The following CNN1 variants were observed in gnomAD, a reference collection of about 807,000 sequenced individuals.
CNN1 encodes calponin 1, also known as calponin-1.
A neutral mutation model predicts 35.3 loss-of-function variants in CNN1; 21 were observed. The ratio of observed to expected loss-of-function variants is 0.60; its 90% CI spans 0.42 to 0.86. The LOEUF (loss-of-function observed/expected upper bound fraction) is 0.86, where lower values mean the gene tolerates loss of function less well. CNN1 is among the 40% of genes least tolerant of loss of function. The probability of loss-of-function intolerance (pLI) is 0.00; values close to 1 mark genes in which losing one functional copy is unlikely to be tolerated. For synonymous variants in CNN1, 164 were observed against 161.8 expected (o/e 1.01, Z -0.10); for missense variants, 314 against 400.8 (o/e 0.78, Z 1.85).
intron 1 of CNN1, chr19:11,539,894 G>A (rs1360818650): frequency 5.6e-5 from 64 of 1,139,570 alleles, no homozygotes; most frequent in Non-Finnish European, 6.9e-5. Flanking sequence ...CCCCAGAGCC[G>A]CGCAGAGCCG....
chr19:11,546,618 GC>G, intron 2 of CNN1, 56 bp from the exon 3 acceptor site: 1 of 1,596,592 alleles, frequency 6.3e-7, no homozygotes, highest in South Asian at 1.1e-5. Flanking sequence ...ACAGGCGTGA[GC>G]CACCGTGCCC....
intron 1 of CNN1, chr19:11,539,768 G>C: frequency 8.8e-7 from 1 of 1,141,668 alleles, no homozygotes; most frequent in Non-Finnish European, 1.2e-6. Context: ...AGGAAGTGGG[G>C]GACTGGGTTG....
intron 4 of CNN1, among the ~76,000 whole-genome samples, 160 bp from the exon 5 acceptor site, chr19:11,547,637 C>T (rs1972619286): frequency 6.6e-6 from 1 of 152,084 alleles, no homozygotes; most frequent in Admixed American, 6.6e-5. Context: ...GGTGTGAAGC[C>T]GGGAGGCGGA....
chr19:11,549,900 G>T lies in CNN1; in HGVS notation c.*105G>T. 2 of 1,472,976 alleles carry T rather than the reference G, an allele frequency of 1.4e-6. No individual in the cohort carries two copies. The highest frequency in any genetic ancestry group is 1.8e-6 in the Non-Finnish European group (2 of 1,091,158). 91.2% of individuals were successfully genotyped at this position (1,472,976 alleles called of 1,614,324 possible). A position where few individuals can be genotyped will look rare whatever the true frequency, so the allele number is the denominator to read the frequency against. ...CCCTCTCCCTGCATGGCATCCTCCAGCCCCTGTAGAACTCAACCTCTACAG... is the reference window on the plus strand; with the variant it reads ...CCCTCTCCCTGCATGGCATCCTCCATCCCCTGTAGAACTCAACCTCTACAG... On this transcript the variant is annotated 3_prime_UTR_variant, in exon 7 of 7. Coordinates refer to ENST00000252456, the MANE Select transcript of CNN1 (RefSeq NM_001299.6). This position sits in a 1 kb window ranked among gnomAD's most constrained non-coding sequence, Gnocchi z 5.2.
chr19:11,549,959 G>A lies in CNN1; in HGVS notation c.*164G>A. 11 of 1,069,404 alleles carry A rather than the reference G, an allele frequency of 1.0e-5. No homozygotes were observed. The highest frequency in any genetic ancestry group is 1.5e-5 in the Non-Finnish European group (11 of 758,536). 66.2% of individuals were successfully genotyped at this position (1,069,404 alleles called of 1,614,324 possible). ...TTTGGAGAGAGCAGACTGGCGGGGG[G>A]CCCATTGGGGGGAAGGGGACCCTCC... On this transcript the variant is annotated 3_prime_UTR_variant, in exon 7 of 7. Coordinates refer to ENST00000252456, the MANE Select transcript of CNN1 (RefSeq NM_001299.6). This position sits in a 1 kb window ranked among gnomAD's most constrained non-coding sequence, Gnocchi z 5.2.
chr19:11,541,056 C>A lies in CNN1; in HGVS notation c.64-20C>A, dbSNP rs772013584. Reference sequence around the variant, plus strand: ...ATCCTCACCCCTTTCTCTGTGCCCCCTGCCCTCCCCTCGCCCCAGCTGGCC... The same window carrying A: ...ATCCTCACCCCTTTCTCTGTGCCCCATGCCCTCCCCTCGCCCCAGCTGGCC... On this transcript the variant is annotated intron_variant, in intron 1 of 6. Coordinates refer to ENST00000252456, the MANE Select transcript of CNN1 (RefSeq NM_001299.6). 2.5e-6 allele frequency: 4 copies of A among 1,590,432 alleles called. No homozygotes were observed. The highest frequency in any genetic ancestry group is 4.6e-5 in the East Asian group (2 of 43,106).
At chr19:11,546,265 A>G (rs913571545) in intron 2 of CNN1, among the ~76,000 whole-genome samples, 1 of 151,710 alleles carries the variant, frequency 6.6e-6, no homozygotes, top group African/African-American at 2.4e-5. Context: ...AGGGTATGGC[A>G]TGGCCCCTTG....
intron 1 of CNN1, chr19:11,539,720 C>A: frequency 1.2e-6 from 1 of 818,840 alleles, no homozygotes; most frequent in Non-Finnish European, 1.8e-6. Context: ...GAGGGGAACA[C>A]TGAGGCTCAG....
rs571946947 is a variant in CNN1 at position 11,542,635 on chromosome 19, G to A, written c.185+1438G>A. On this transcript the variant is annotated intron_variant, in intron 2 of 6. Coordinates refer to ENST00000252456, the MANE Select transcript of CNN1 (RefSeq NM_001299.6). ...TTGTGACCCAGGCTGGAGTGCAGTG[G>A]CATGATCTTGGCTCACTGCAAGCTC... Among the ~76,000 whole-genome samples the A allele has an allele frequency of 4.3e-4, 65 of 150,288 alleles. 3 individuals are homozygous for A. The East Asian group carries it at 0.013, about 29-fold the overall frequency.
chr19:11,547,037 TGTGCTCCTGAGCCCAGTGAAG>T, intron 4 of CNN1, 68 bp downstream of exon 4: 2 of 1,599,634 alleles, frequency 1.3e-6, no homozygotes, highest in Non-Finnish European at 1.7e-6. Context: ...TGTGGCCACT[TGTGCTCCTGAGCCCAGTGAAG>T]GTGGCGGAGC....
intron 1 of CNN1, chr19:11,540,005 G>A (rs1972424232): frequency 2.8e-6 from 3 of 1,067,802 alleles, no homozygotes; most frequent in Non-Finnish European, 2.3e-6. Flanking sequence ...CGTGGGGGGC[G>A]GCAGGGCCAG....
intron 2 of CNN1, among the ~76,000 whole-genome samples, chr19:11,541,418 C>A (rs144765995): frequency 1.3e-5 from 2 of 152,154 alleles, no homozygotes; most frequent in African/African-American, 4.8e-5. Flanking sequence ...GGAAATGACT[C>A]TAGAATCTTA....
chr19:11,548,895 C>A (rs8110999), intron 5 of CNN1, among the ~76,000 whole-genome samples: 130,201 of 152,104 alleles, frequency 0.86, 56,032 homozygotes, highest in Middle Eastern at 0.93. Flanking sequence ...TAAAAATAAA[C>A]TAAAAAATGG....
intron 1 of CNN1, chr19:11,540,360 G>C (rs2145026234): frequency 6.5e-6 from 1 of 154,248 alleles, no homozygotes; most frequent in African/African-American, 2.4e-5. Flanking sequence ...GAAAGACCTA[G>C]AGAGGCAGAT....
At chr19:11,543,670 C>T (rs1437744313) in intron 2 of CNN1, among the ~76,000 whole-genome samples, 1 of 150,548 alleles carries the variant, frequency 6.6e-6, no homozygotes, top group Non-Finnish European at 1.5e-5. Context: ...GTAGTCCCAG[C>T]TACTCGGGAG....
intron 4 of CNN1, among the ~76,000 whole-genome samples, chr19:11,547,394 CAAA>C (rs1019313802): frequency 1.0e-5 from 1 of 98,224 alleles, no homozygotes; most frequent in Non-Finnish European, 2.1e-5. Flanking sequence ...GACTCCGTCT[CAAA>C]AAAAAAAAAA....
At chr19:11,545,761 C>T (rs1003138099) in intron 2 of CNN1, among the ~76,000 whole-genome samples, 1 of 141,362 alleles carries the variant, frequency 7.1e-6, no homozygotes, top group Non-Finnish European at 1.5e-5. Context: ...TCAAGACCAG[C>T]TTGGGCAATA....
rs112279164 is a variant in CNN1 at position 11,549,427 on chromosome 19, G to A, written c.606G>A (p.Ala202=). Residue 202 remains alanine (A), a synonymous_variant, in exon 6 of 7, where the codon GCG becomes GCA. Transcript: ENST00000252456. This position sits in a 1 kb window ranked among gnomAD's most constrained non-coding sequence, Gnocchi z 5.2. ...KLGTDQPLDQ[A]TISLQMGTNK... Reference sequence around the variant, plus strand: ...GCACAGACCAGCCTCTGGACCAGGCGACCATCAGCCTGCAGATGGGCACCA... The same window carrying A: ...GCACAGACCAGCCTCTGGACCAGGCAACCATCAGCCTGCAGATGGGCACCA... 42 of 1,613,912 alleles carry A rather than the reference G, an allele frequency of 2.6e-5. 1 individual carries two copies. The highest frequency in any genetic ancestry group is 9.3e-5 in the African/African-American group (7 of 74,974).
intron 1 of CNN1, chr19:11,539,875 C>T (rs932568171): frequency 5.4e-5 from 63 of 1,164,710 alleles, no homozygotes; most frequent in South Asian, 1.1e-4. Flanking sequence ...TCCTCCCCCC[C>T]AGCGCCGGCC....
Sources: gnomAD v4.1 joint callset for allele counts (sites outside exome capture counted in the v4.1 genomes callset) on GRCh38, gnomAD v4.1.1 for gene constraint, Gnocchi (gnomAD v3.1) non-coding constraint, MANE v1.5 for transcripts, NCBI Gene and HGNC (gene_info 2026-07-23, HGNC 2026-07-21) for gene names.